RDH14: variants seen among roughly 807,000 people sequenced by gnomAD.
The protein encoded by RDH14 is alcohol dehydrogenase PAN2.
A neutral mutation model predicts 19.3 loss-of-function variants in RDH14; 17 were observed. The observed-to-expected ratio is 0.88, with a 90% CI of 0.60 to 1.32. The LOEUF (loss-of-function observed/expected upper bound fraction) is 1.32, where lower values mean the gene tolerates loss of function less well. RDH14 is among the 40% of genes most tolerant of loss of function. The pLI is 0.00. For synonymous variants in RDH14, 215 were observed against 188.9 expected (o/e 1.14, Z -1.13); for missense variants, 534 against 449.2 (o/e 1.19, Z -1.71).
rs747990535 is a variant in RDH14, at chr2:18,560,192, C to T, written c.381G>A (p.Gln127=). ...CCGAGGCCCACACCTGGAGCATTTC[C>T]TGGCAGAAGGCGCGCACCGAGCGCA... ...ASLRSVRAFC[Q]EMLQEEPRLD... The change falls in exon 1 of 2, where the codon CAG becomes CAA. Residue 127 remains glutamine, a synonymous_variant. Coordinates refer to ENST00000381249, the MANE Select transcript of RDH14 (RefSeq NM_020905.4). 19 of 1,528,254 alleles carry T rather than the reference C, an allele frequency of 1.2e-5. No individual in the cohort carries two copies. The Admixed American group carries it at 3.7e-4, about 30-fold the overall frequency. 94.7% of individuals were successfully genotyped at this position (1,528,254 alleles called of 1,614,324 possible).
In RDH14 at chr2:18,555,480, G is replaced by A; in HGVS notation, c.722C>T (p.Thr241Ile). 1.2e-6 allele frequency: 2 copies of A among 1,614,176 alleles called. No homozygotes were observed. Among genetic ancestry groups the A allele is most frequent in the Non-Finnish European group, 1.7e-6 (2 of 1,180,010 alleles). ...LARRLEGTNV[T>I]VNVLHPGIVR... The stretch of plus-strand genomic sequence containing the variant: ...AATACCAGGATGCAACACATTGACG[G>A]TGACATTTGTGCCTTCTAAGCGGCG... The change falls in exon 2 of 2, where the codon ACC (threonine) becomes ATC (isoleucine). Residue 241 changes from threonine to isoleucine, a missense_variant. Thr to Ile is a moderately conservative substitution (Grantham distance 89). Transcript: ENST00000381249.
chr2:18,556,486 A>G (rs536240776), intron 1 of RDH14, among the ~76,000 whole-genome samples: 41 of 152,280 alleles, frequency 2.7e-4, no homozygotes, highest in Non-Finnish European at 5.6e-4. Flanking sequence ...GAAAAATAGA[A>G]AAAAAAATAG....
In RDH14 at chr2:18,555,762, TG is replaced by T; in HGVS notation, c.439del (p.Gln147SerfsTer5). On this transcript the variant is annotated frameshift_variant, in exon 2 of 2. Coordinates refer to ENST00000381249, the MANE Select transcript of RDH14 (RefSeq NM_020905.4). LOFTEE classifies it high-confidence loss of function. ...ATCTTCAGTCTTCATGTAAGGGCAC[TG>T]GAAGATCCCTGCGTTATTGATCAAG... The part of the protein sequence containing the change: ...DVLINNAGIF[Q>X]CPYMKTEDGF... The T allele has an allele frequency of 6.2e-7, 1 of 1,613,810 alleles. No homozygotes were observed. The highest frequency in any genetic ancestry group is 8.5e-7 in the Non-Finnish European group (1 of 1,179,732).
At position 18,560,346 on chromosome 2, in the gene RDH14, T is replaced by C; in HGVS notation, c.227A>G (p.Asp76Gly). The C allele has an allele frequency of 7.1e-7, 1 of 1,417,722 alleles. No individual in the cohort carries two copies. The allele number at this position is 1,417,722 out of a possible 1,614,324, so 87.8% of individuals were successfully genotyped here. A position where few individuals can be genotyped will look rare whatever the true frequency, so the allele number is the denominator to read the frequency against. The stretch of plus-strand genomic sequence containing the variant: ...CGCCGCCTCCTCGGCGCGCGCGCGG[T>C]CCCGGCAGCCCATGATCACCCGCGC... ...LGARVIMGCR[D>G]RARAEEAAGQ... Residue 76 changes from aspartate (D) to glycine (G), a missense_variant, in exon 1 of 2, where the codon GAC becomes GGC. Asp to Gly is a moderately conservative substitution (Grantham distance 94). Coordinates refer to ENST00000381249, the MANE Select transcript of RDH14 (RefSeq NM_020905.4).
chr2:18,558,926 TC>T (rs1250325050), intron 1 of RDH14, among the ~76,000 whole-genome samples: 2 of 152,192 alleles, frequency 1.3e-5, no homozygotes, highest in African/African-American at 4.8e-5. Flanking sequence ...GTGATTGATG[TC>T]TCATGTCTCC....
intron 1 of RDH14, 133 bp from the exon 2 acceptor site, chr2:18,555,941 C>T: frequency 7.0e-7 from 1 of 1,423,956 alleles, no homozygotes; most frequent in Non-Finnish European, 9.3e-7. Context: ...AGTTGTTGGT[C>T]TATCGATCAG....
At position 18,560,333 on chromosome 2, in the gene RDH14, G is replaced by C; in HGVS notation, c.240C>G (p.Ala80=). 2 of 1,410,318 alleles carry C rather than the reference G, an allele frequency of 1.4e-6. No homozygotes were observed. The highest frequency in any genetic ancestry group is 3.0e-5 in the East Asian group (1 of 33,214). The allele number at this position is 1,410,318 out of a possible 1,614,324, so 87.4% of individuals were successfully genotyped here. A position where few individuals can be genotyped will look rare whatever the true frequency, so the allele number is the denominator to read the frequency against. The part of the protein sequence containing the change: ...VIMGCRDRAR[A]EEAAGQLRRE... ...GGCGGAGCTGACCCGCCGCCTCCTC[G>C]GCGCGCGCGCGGTCCCGGCAGCCCA... Residue 80 remains alanine (A), a synonymous_variant, in exon 1 of 2, where the codon GCC becomes GCG. Transcript: ENST00000381249.
chr2:18,560,304 T>A lies in RDH14; in HGVS notation c.269A>T (p.Glu90Val). 1 of 1,475,908 alleles carries A rather than the reference T, an allele frequency of 6.8e-7. No homozygotes were observed. Among genetic ancestry groups the A allele is most frequent in the Non-Finnish European group, 8.9e-7 (1 of 1,122,732 alleles). 91.4% of individuals were successfully genotyped at this position (1,475,908 alleles called of 1,614,324 possible). Residue 90 changes from glutamate (E) to valine (V), a missense_variant, in exon 1 of 2, where the codon GAG becomes GTG. By Grantham distance (121) the Glu-to-Val change is moderately radical. Coordinates refer to ENST00000381249, the MANE Select transcript of RDH14 (RefSeq NM_020905.4). Reference sequence around the variant, plus strand: ...GCCGCACTCCGCGGCCTGGCGGAGCTCGCGGCGGAGCTGACCCGCCGCCTC... The same window carrying A: ...GCCGCACTCCGCGGCCTGGCGGAGCACGCGGCGGAGCTGACCCGCCGCCTC... The part of the protein sequence containing the change: ...AEEAAGQLRR[E>V]LRQAAECGPE...
In RDH14 at chr2:18,555,259, CT is replaced by C; in HGVS notation, c.942del (p.Ala315LeufsTer16). On this transcript the variant is annotated frameshift_variant, in exon 2 of 2. Transcript: ENST00000381249. LOFTEE classifies it high-confidence loss of function. ...GDCKEEELLP[K>X]AMDESVARKL... is the part of the protein sequence containing the mutation. ...TTTCTTGCAACAGATTCATCCATAG[CT>C]TTGGGCAACAGTTCTTCCTCTTTAC... The C allele has an allele frequency of 6.2e-7, 1 of 1,614,116 alleles. No individual in the cohort carries two copies.
In RDH14 at chr2:18,555,054, C is replaced by A; in HGVS notation, c.*137G>T. On this transcript the variant is annotated 3_prime_UTR_variant, in exon 2 of 2. Coordinates refer to ENST00000381249, the MANE Select transcript of RDH14 (RefSeq NM_020905.4). Reference sequence around the variant, plus strand: ...ATAATTTTTCAGTAACTCCAAAATACCCACATGTACCTCTTAGCAGGCTAT... The same window carrying A: ...ATAATTTTTCAGTAACTCCAAAATAACCACATGTACCTCTTAGCAGGCTAT... 1 of 1,351,006 alleles carries A rather than the reference C, an allele frequency of 7.4e-7. No homozygotes were observed. The highest frequency in any genetic ancestry group is 9.9e-7 in the Non-Finnish European group (1 of 1,011,628). The allele number at this position is 1,351,006 out of a possible 1,614,324, so 83.7% of individuals were successfully genotyped here.
At chr2:18,557,420 T>C (rs937030590) in intron 1 of RDH14, among the ~76,000 whole-genome samples, 4 of 152,242 alleles carry the variant, frequency 2.6e-5, no homozygotes, top group Admixed American at 2.0e-4. Context: ...GGTTTTCCAA[T>C]AGTCAACTTC....
chr2:18,560,428 T>C lies in RDH14; in HGVS notation c.145A>G (p.Thr49Ala), dbSNP rs767202026. 369 of 1,505,182 alleles carry C rather than the reference T, an allele frequency of 2.5e-4. No individual in the cohort carries two copies. The highest frequency in any genetic ancestry group is 3.0e-4 in the Non-Finnish European group (342 of 1,135,984). 93.2% of individuals were successfully genotyped at this position (1,505,182 alleles called of 1,614,324 possible). A position where few individuals can be genotyped will look rare whatever the true frequency, so the allele number is the denominator to read the frequency against. The change falls in exon 1 of 2, where the codon ACC (threonine) becomes GCC (alanine). Residue 49 changes from threonine (T) to alanine (A), a missense_variant. Coordinates refer to ENST00000381249, the MANE Select transcript of RDH14 (RefSeq NM_020905.4). ...GLMHGKTVLI[T>A]GANSGLGRAT... ...CGGCCCAGGCCGCTGTTCGCCCCGG[T>C]GATCAGCACAGTCTTCCCGTGCATG...
In RDH14 at chr2:18,554,963, C is replaced by A; in HGVS notation, c.*228G>T. 2.1e-6 allele frequency: 1 copy of A among 465,182 alleles called. No individual in the cohort carries two copies. The highest frequency in any genetic ancestry group is 3.7e-6 in the Non-Finnish European group (1 of 273,022). The allele number at this position is 465,182 out of a possible 1,614,324, so 28.8% of individuals were successfully genotyped here. A position where few individuals can be genotyped will look rare whatever the true frequency, so the allele number is the denominator to read the frequency against. ...CAATATAATTGTATTTTTCATTGTACTTATTATTCATTATACTTACTATAT... is the reference window on the plus strand; with the variant it reads ...CAATATAATTGTATTTTTCATTGTAATTATTATTCATTATACTTACTATAT... On this transcript the variant is annotated 3_prime_UTR_variant, in exon 2 of 2. Coordinates refer to ENST00000381249, the MANE Select transcript of RDH14 (RefSeq NM_020905.4).
At position 18,560,624 on chromosome 2, in the gene RDH14, C is replaced by A; in HGVS notation, c.-52G>T. On this transcript the variant is annotated 5_prime_UTR_variant, in exon 1 of 2. Transcript: ENST00000381249. ...CTCCACGGGAGTTCCGCAGCCGCCGCCTTACCGGAACCCAAGAGACCACCT... is the reference window on the plus strand; with the variant it reads ...CTCCACGGGAGTTCCGCAGCCGCCGACTTACCGGAACCCAAGAGACCACCT... The A allele has an allele frequency of 1.4e-6, 2 of 1,384,550 alleles. No individual in the cohort carries two copies. Among genetic ancestry groups the A allele is most frequent in the Non-Finnish European group, 1.9e-6 (2 of 1,079,300 alleles). The allele number at this position is 1,384,550 out of a possible 1,614,324, so 85.8% of individuals were successfully genotyped here.
chr2:18,560,101 C>A, intron 1 of RDH14, 79 bp downstream of exon 1: 2 of 1,428,862 alleles, frequency 1.4e-6, no homozygotes, highest in Non-Finnish European at 9.2e-7. Flanking sequence ...CGGTCCCTCG[C>A]GGCTCAGCCC....
intron 1 of RDH14, among the ~76,000 whole-genome samples, chr2:18,557,407 T>C (rs762544006): frequency 2.6e-5 from 4 of 152,234 alleles, no homozygotes; most frequent in Non-Finnish European, 5.9e-5. Flanking sequence ...CTAAGCATCT[T>C]TGGGTTTTCC....
chr2:18,559,050 A>G (rs541652746), intron 1 of RDH14, among the ~76,000 whole-genome samples: 11 of 152,204 alleles, frequency 7.2e-5, no homozygotes, highest in Non-Finnish European at 1.6e-4. Context: ...AACTTTCTAA[A>G]TAAATGAACT....
At chr2:18,556,799 GT>G (rs1439991643) in intron 1 of RDH14, among the ~76,000 whole-genome samples, 6 of 152,178 alleles carry the variant, frequency 3.9e-5, no homozygotes, top group Admixed American at 1.3e-4. Flanking sequence ...AGAGCTACTG[GT>G]TATCAACACC....
At chr2:18,557,874 CTG>C (rs1482339913) in intron 1 of RDH14, among the ~76,000 whole-genome samples, 1 of 152,162 alleles carries the variant, frequency 6.6e-6, no homozygotes, top group African/African-American at 2.4e-5. Flanking sequence ...ATTTCTTAAC[CTG>C]TGTTACACAT....
Sources: allele counts gnomAD v4.1 joint callset (sites outside exome capture counted in the v4.1 genomes callset), GRCh38; gene constraint gnomAD v4.1.1; transcripts MANE v1.5; gene names NCBI Gene and HGNC (gene_info 2026-07-23, HGNC 2026-07-21).